MSN: variants seen among roughly 807,000 people sequenced by gnomAD.
The protein encoded by MSN is moesin.
Under a neutral mutation model 48.0 loss-of-function variants are expected in MSN, and 2 were observed. The ratio of observed to expected loss-of-function variants is 0.04; its 90% CI spans 0.02 to 0.13. The LOEUF (loss-of-function observed/expected upper bound fraction) is 0.13. MSN is among the 10% of genes least tolerant of loss of function. The pLI is 1.00. For synonymous variants in MSN, 146 were observed against 166.9 expected, an observed-to-expected ratio of 0.87 and a Z score of 0.97; for missense variants, 267 against 470.1, an observed-to-expected ratio of 0.57 and a Z score of 3.99.
intron 1 of MSN, among the ~76,000 whole-genome samples, chrX:65,591,873 G>A (rs188901805): frequency 2.5e-4 from 28 of 111,431 alleles, no homozygotes; most frequent in Non-Finnish European, 4.1e-4. Flanking sequence ...CTAGGGTCCA[G>A]ATGAGAGACT....
upstream of MSN, among the ~76,000 whole-genome samples, chrX:65,665,257 C>T (rs757891241): frequency 5.9e-4 from 66 of 111,596 alleles, no homozygotes; most frequent in Admixed American, 2.9e-3. Context: ...TCTAGGTGAA[C>T]ATGAGTGAAG....
chrX:65,667,594 G>A, upstream of MSN: 4 of 910,097 alleles, frequency 4.4e-6, no homozygotes, highest in Non-Finnish European at 5.4e-6. Context: ...AGGCGGGCGC[G>A]AGGGCGGGGA....
intron 1 of MSN, among the ~76,000 whole-genome samples, chrX:65,692,647 A>G (rs1199239473): frequency 8.9e-6 from 1 of 112,351 alleles, no homozygotes; most frequent in Non-Finnish European, 1.9e-5. Flanking sequence ...TTACCATTTT[A>G]AAAACATTTT....
intron 1 of MSN, among the ~76,000 whole-genome samples, chrX:65,634,452 A>C (rs1226480744): frequency 3.6e-5 from 4 of 110,617 alleles, no homozygotes; most frequent in Non-Finnish European, 7.6e-5. Context: ...GTCTCTACTA[A>C]AAATACAAAA....
intron 1 of MSN, among the ~76,000 whole-genome samples, chrX:65,615,905 G>T (rs1390463649): frequency 1.4e-4 from 16 of 111,116 alleles, no homozygotes; most frequent in African/African-American, 5.2e-4. Context: ...AAGGGATCCA[G>T]TTTCAGCTTT....
chrX:65,728,546 G>A (rs895563300), intron 3 of MSN, among the ~76,000 whole-genome samples: 1 of 110,637 alleles, frequency 9.0e-6, no homozygotes, highest in Non-Finnish European at 1.9e-5. Context: ...GCCCGCCTCG[G>A]CCTCCCAAAG....
At chrX:65,615,931 C>T (rs2070367038) in intron 1 of MSN, among the ~76,000 whole-genome samples, 1 of 110,944 alleles carries the variant, frequency 9.0e-6, no homozygotes, top group African/African-American at 3.3e-5. Flanking sequence ...TATGGCTAGC[C>T]AGTTTTCCCA....
intron 1 of MSN, chrX:65,600,761 G>A (rs1467273922): frequency 8.9e-6 from 1 of 112,115 alleles, no homozygotes; most frequent in Non-Finnish European, 1.9e-5. Context: ...GTAATAGGGA[G>A]GGGAATGCAG....
chrX:65,716,809 T>C lies in MSN; in HGVS notation c.13-9T>C. 1 of 1,207,170 alleles carries C rather than the reference T, an allele frequency of 8.3e-7. No homozygotes were observed. On this transcript the variant is annotated splice_polypyrimidine_tract_variant and intron_variant, in intron 1 of 12. Transcript: ENST00000360270. ...GATGACTAACCTGCTTCCTTTGATC[T>C]CATCCTAGATCAGTGTGCGTGTGAC...
Position 65,729,677 on chromosome X carries a change from T to C in MSN, c.432T>C (p.Ser144=). 3 of 1,211,200 alleles carry C rather than the reference T, an allele frequency of 2.5e-6. No homozygotes were observed. Among genetic ancestry groups the C allele is most frequent in the Non-Finnish European group, 3.4e-6 (3 of 895,214 alleles). ...YGDFNKEVHK[S]GYLAGDKLLP... is the part of the protein sequence containing the mutation. ...ACTTCAATAAGGAAGTGCATAAGTCTGGCTACCTGGCCGGAGACAAGTTGC... is the reference window on the plus strand; with the variant it reads ...ACTTCAATAAGGAAGTGCATAAGTCCGGCTACCTGGCCGGAGACAAGTTGC... Residue 144 remains serine (S), a synonymous_variant, in exon 4 of 13, where the codon TCT becomes TCC. Transcript: ENST00000360270.
chrX:65,615,922 A>C (rs1163389259), intron 1 of MSN, among the ~76,000 whole-genome samples: 16 of 111,030 alleles, frequency 1.4e-4, no homozygotes, highest in African/African-American at 5.2e-4. Context: ...CTTTCTACAT[A>C]TGGCTAGCCA....
rs778632001 is a variant in MSN at position 65,637,416 on chromosome X, A to G, written c.-22+48804A>G. Among the ~76,000 whole-genome samples, 12 of 109,845 alleles carry G rather than the reference A, an allele frequency of 1.1e-4. No homozygotes were observed. The East Asian group carries it at 3.4e-3, about 31-fold the overall frequency. ...AAACTCCATCTTAAGAAAAAAAAAAAAAAAGAAAAGAAAGAAAAGAAAAGT... is the reference window on the plus strand; with the variant it reads ...AAACTCCATCTTAAGAAAAAAAAAAGAAAAGAAAAGAAAGAAAAGAAAAGT... On this transcript the variant is annotated intron_variant, in intron 1 of 3. Coordinates refer to the MSN transcript ENST00000609672.
At chrX:65,696,747 T>G (rs945227183) in intron 1 of MSN, among the ~76,000 whole-genome samples, 1 of 111,365 alleles carries the variant, frequency 9.0e-6, no homozygotes, top group Admixed American at 9.5e-5. Context: ...TCTCAGTAAA[T>G]TGTTAGCTGA....
chrX:65,727,513 G>A (rs2071579241), intron 2 of MSN, among the ~76,000 whole-genome samples: 2 of 111,971 alleles, frequency 1.8e-5, no homozygotes, highest in South Asian at 7.5e-4. Flanking sequence ...TATAAAATGG[G>A]CCTAATTGTA....
chrX:65,630,185 A>G (rs940479409), intron 1 of MSN, among the ~76,000 whole-genome samples: 1 of 110,306 alleles, frequency 9.1e-6, no homozygotes, highest in Admixed American at 9.7e-5. Context: ...ACTCAAAAAA[A>G]AAAAAAGTGT....
chrX:65,632,524 CTG>C (rs777721329), intron 1 of MSN, among the ~76,000 whole-genome samples: 120 of 112,620 alleles, frequency 1.1e-3, no homozygotes, highest in Non-Finnish European at 2.0e-3. Flanking sequence ...TTCAGAATGA[CTG>C]TATCATTTTA....
At chrX:65,622,254 C>T (rs1473543503) in intron 1 of MSN, among the ~76,000 whole-genome samples, 1 of 107,861 alleles carries the variant, frequency 9.3e-6, no homozygotes, top group Non-Finnish European at 1.9e-5. Context: ...GCCACCACAC[C>T]TGGCTAATTT....
intron 1 of MSN, among the ~76,000 whole-genome samples, chrX:65,668,229 C>T (rs2070893816): frequency 8.9e-6 from 1 of 112,611 alleles, no homozygotes; most frequent in Admixed American, 9.3e-5. Flanking sequence ...CAGGAATTGG[C>T]ACCTTTCTGG....
chrX:65,740,737 C>G lies in MSN; in HGVS notation c.*844C>G, dbSNP rs1057260666. The G allele has an allele frequency of 1.7e-5, 3 of 172,652 alleles. No individual in the cohort carries two copies. The highest frequency in any genetic ancestry group is 3.3e-5 in the Non-Finnish European group (3 of 90,610). 14.2% of individuals were successfully genotyped at this position (172,652 alleles called of 1,213,427 possible). ...ATCTGCAGTCACTTCGTGGGATCTG[C>G]CCCTCCCTGCTTCAATACCCAAATC... On this transcript the variant is annotated 3_prime_UTR_variant, in exon 13 of 13. Transcript: ENST00000360270.
Sources: gnomAD v4.1 joint callset for allele counts (sites outside exome capture counted in the v4.1 genomes callset) on GRCh38, gnomAD v4.1.1 for gene constraint, MANE v1.5 for transcripts, NCBI Gene and HGNC (gene_info 2026-07-23, HGNC 2026-07-21) for gene names.